Variants in MSH4 observed in about 807,000 individuals in gnomAD.
MSH4 encodes the protein mutS homolog 4.
Under a neutral mutation model 113.7 loss-of-function variants are expected in MSH4, and 106 were observed. That is an observed-to-expected ratio of 0.93 (90% CI 0.80 to 1.10). MSH4 has a LOEUF of 1.10. MSH4 is among the 50% of genes least tolerant of loss of function. The pLI is 0.00. For synonymous variants in MSH4, 368 were observed against 380.2 expected (o/e 0.97, Z 0.37); for missense variants, 1,061 against 1,093.7 (o/e 0.97, Z 0.42).
At position 75,867,649 on chromosome 1, in the gene MSH4, G is replaced by A. The variant is rs191164800; in HGVS notation, c.1305+61G>A. 5.7e-3 allele frequency: 6,659 copies of A among 1,177,990 alleles called. 90 individuals carry two copies. Among genetic ancestry groups the A allele is most frequent in the Admixed American group, 0.053 (2,067 of 39,058 alleles). 73.0% of individuals were successfully genotyped at this position (1,177,990 alleles called of 1,614,324 possible). On this transcript the variant is annotated intron_variant, in intron 9 of 19. Coordinates refer to ENST00000263187, the MANE Select transcript of MSH4 (RefSeq NM_002440.4). Reference sequence around the variant, plus strand: ...AGCATTATTTTTTAACTTTTTGTTGGAAAAAAATTTCAAACTCGGAAAATT... The same window carrying A: ...AGCATTATTTTTTAACTTTTTGTTGAAAAAAAATTTCAAACTCGGAAAATT...
At chr1:75,865,921 C>G (rs1651552750) in intron 8 of MSH4, among the ~76,000 whole-genome samples, 1 of 152,072 alleles carries the variant, frequency 6.6e-6, no homozygotes, top group Non-Finnish European at 1.5e-5. Flanking sequence ...ATTCATAATT[C>G]TACTGGTACT....
At chr1:75,820,735 G>A (rs1314256079) in intron 6 of MSH4, among the ~76,000 whole-genome samples, 3 of 151,934 alleles carry the variant, frequency 2.0e-5, no homozygotes, top group Admixed American at 6.6e-5. Flanking sequence ...TCTTGCTAGT[G>A]GTCTATCAAT....
intron 8 of MSH4, among the ~76,000 whole-genome samples, chr1:75,856,485 T>C (rs561005354): frequency 6.6e-6 from 1 of 152,266 alleles, no homozygotes; most frequent in Admixed American, 6.5e-5. Flanking sequence ...CCCCTCCCTG[T>C]GTCCGTGTGT....
At chr1:75,801,544 G>A (rs1224835258) in intron 1 of MSH4, among the ~76,000 whole-genome samples, 1 of 150,332 alleles carries the variant, frequency 6.7e-6, no homozygotes, top group Admixed American at 6.7e-5. Context: ...CTCTAGCCTG[G>A]GCAACAAGAG....
intron 17 of MSH4, among the ~76,000 whole-genome samples, chr1:75,895,628 TC>T (rs1213239855): frequency 2.6e-5 from 4 of 152,216 alleles, no homozygotes; most frequent in Non-Finnish European, 5.9e-5. Flanking sequence ...ATATTTTATT[TC>T]TTCTTATTCT....
At chr1:75,822,352 T>G in intron 6 of MSH4, 57 bp from the exon 7 acceptor site, 1 of 1,095,326 alleles carries the variant, frequency 9.1e-7, no homozygotes. Context: ...CAAAGTGAAA[T>G]GAAATTTTCT....
In MSH4 at chr1:75,804,694, A is replaced by G. The variant is rs2100503498; in HGVS notation, c.427+781A>G. Among the ~76,000 whole-genome samples the G allele has an allele frequency of 1.3e-5, 2 of 151,936 alleles. 1 individual carries two copies. Among genetic ancestry groups the G allele is most frequent in the South Asian group, 4.2e-4 (2 of 4,796 alleles). On this transcript the variant is annotated intron_variant, in intron 2 of 19. Coordinates refer to ENST00000263187, the MANE Select transcript of MSH4 (RefSeq NM_002440.4). Reference sequence around the variant, plus strand: ...CCCGGCTAATTTTTGTATTTTTAGTAGAGATGGGGTTTCACCATACTGGCC... The same window carrying G: ...CCCGGCTAATTTTTGTATTTTTAGTGGAGATGGGGTTTCACCATACTGGCC...
intron 8 of MSH4, among the ~76,000 whole-genome samples, chr1:75,865,062 C>CA (rs1651534364): frequency 6.6e-6 from 1 of 152,020 alleles, no homozygotes; most frequent in Non-Finnish European, 1.5e-5. Context: ...CAGATGTCTC[C>CA]ATCTGAGAGA....
At chr1:75,893,589 C>T (rs1428194976) in intron 17 of MSH4, among the ~76,000 whole-genome samples, 1 of 152,212 alleles carries the variant, frequency 6.6e-6, no homozygotes, top group African/African-American at 2.4e-5. Context: ...AATGCTGAGT[C>T]TCCTCAAGTC....
chr1:75,824,904 G>GTTTTTTTTTTTTTTTTTTTTTT (rs71588855), intron 7 of MSH4, among the ~76,000 whole-genome samples: 3 of 120,256 alleles, frequency 2.5e-5, no homozygotes, highest in African/African-American at 6.1e-5. Context: ...CTTCAGCTTT[G>GTTTTTTTTTTTTTTTTTTTTTT]TTTTTTTTTT....
chr1:75,824,377 T>G (rs1650497948), intron 7 of MSH4, among the ~76,000 whole-genome samples: 1 of 152,204 alleles, frequency 6.6e-6, no homozygotes, highest in Non-Finnish European at 1.5e-5. Context: ...TTTTAGAGCT[T>G]TGTCAGATGG....
chr1:75,829,011 G>T (rs1227849354), intron 7 of MSH4, among the ~76,000 whole-genome samples: 1 of 152,098 alleles, frequency 6.6e-6, no homozygotes, highest in Admixed American at 6.6e-5. Flanking sequence ...GAAGCACAAG[G>T]GTTCAGAGAA....
At chr1:75,813,031 T>A (rs1390974050) in intron 4 of MSH4, among the ~76,000 whole-genome samples, 2 of 152,190 alleles carry the variant, frequency 1.3e-5, no homozygotes, top group African/African-American at 2.4e-5. Flanking sequence ...ATTCCCCATA[T>A]CATCCTTTTT....
At position 75,888,489 on chromosome 1, in the gene MSH4, G is replaced by A. The variant is rs185414849; in HGVS notation, c.2108-762G>A. 1.6e-3 allele frequency among the ~76,000 whole-genome samples: 244 copies of A among 151,222 alleles called. 1 individual carries two copies. Among genetic ancestry groups the A allele is most frequent in the Non-Finnish European group, 8.9e-4 (60 of 67,730 alleles). ...TTTTTTTCTTTTTATTAAATGTTTT[G>A]CTTTTATTTTGCTTCTGAATGTTTC... On this transcript the variant is annotated intron_variant, in intron 15 of 19. Coordinates refer to ENST00000263187, the MANE Select transcript of MSH4 (RefSeq NM_002440.4).
intron 7 of MSH4, among the ~76,000 whole-genome samples, chr1:75,829,226 G>A (rs749140012): frequency 4.6e-5 from 7 of 152,188 alleles, no homozygotes; most frequent in African/African-American, 7.2e-5. Flanking sequence ...AGGTGGCAGC[G>A]AGGCTGGGGG....
At chr1:75,825,413 A>AGACAATTT (rs1326656403) in intron 7 of MSH4, among the ~76,000 whole-genome samples, 1 of 152,038 alleles carries the variant, frequency 6.6e-6, no homozygotes, top group Non-Finnish European at 1.5e-5. Flanking sequence ...CTGCAAACAG[A>AGACAATTT]GACAATTTGA....
At chr1:75,824,938 T>C (rs1650514970) in intron 7 of MSH4, among the ~76,000 whole-genome samples, 2 of 148,776 alleles carry the variant, frequency 1.3e-5, no homozygotes, top group African/African-American at 4.9e-5. Flanking sequence ...TTGTTTTGGC[T>C]ATATGATCTC....
chr1:75,851,472 C>T (rs143659343), intron 8 of MSH4, among the ~76,000 whole-genome samples: 8,073 of 151,980 alleles, frequency 0.053, 372 homozygotes, highest in African/African-American at 0.12. Flanking sequence ...AGTGCAGTGG[C>T]GCCATCTCGG....
At chr1:75,905,680 A>G (rs989776430) in intron 19 of MSH4, among the ~76,000 whole-genome samples, 47 of 152,238 alleles carry the variant, frequency 3.1e-4, no homozygotes, top group Middle Eastern at 3.4e-3. Flanking sequence ...ATTGCAGTCT[A>G]TATTTCTCTT....
Sources: allele counts gnomAD v4.1 joint callset (sites outside exome capture counted in the v4.1 genomes callset), GRCh38; gene constraint gnomAD v4.1.1; transcripts MANE v1.5; gene names NCBI Gene and HGNC (gene_info 2026-07-23, HGNC 2026-07-21).